The following ZNF438 variants were observed in gnomAD, a reference collection of about 807,000 sequenced individuals.
The protein encoded by ZNF438 is zinc finger protein 438.
In ZNF438, 25 loss-of-function variants were observed where a neutral mutation model predicts 38.0. The ratio of observed to expected loss-of-function variants is 0.66; its 90% CI spans 0.48 to 0.92. ZNF438 has a LOEUF of 0.92. Ranked by LOEUF, ZNF438 falls within the 40% of genes least tolerant of loss-of-function variation. ZNF438 has a pLI of 0.00. For synonymous variants in ZNF438, 372 were observed against 364.1 expected (o/e 1.02, Z -0.25); for missense variants, 1,007 against 999.6 (o/e 1.01, Z -0.10).
rs74133699 is a variant in ZNF438 at position 30,865,062 on chromosome 10, C to T, written c.37+11936G>A. ...TCTCCCTCCATTCCAACACGCTGAA[C>T]TTAGAACTAAGTTGTTTAGCAATTT... is the stretch of plus-strand genomic sequence containing the variant. On this transcript the variant is annotated intron_variant, in intron 4 of 5. Coordinates refer to ENST00000413025, the Ensembl canonical transcript of ZNF438. 9.6e-4 allele frequency among the ~76,000 whole-genome samples: 147 copies of T among 152,338 alleles called. 1 individual carries two copies. The highest frequency in any genetic ancestry group is 3.5e-3 in the African/African-American group (144 of 41,560).
intron 1 of ZNF438, 88 bp downstream of exon 2, chr10:30,984,281 T>G (rs1308952353): frequency 6.6e-6 from 1 of 152,170 alleles, no homozygotes; most frequent in Non-Finnish European, 1.5e-5. Context: ...AAGTAAGATA[T>G]GCCCCACTGT....
At chr10:30,951,547 A>C (rs1171507161) in intron 1 of ZNF438, among the ~76,000 whole-genome samples, 1 of 152,156 alleles carries the variant, frequency 6.6e-6, no homozygotes, top group East Asian at 1.9e-4. Flanking sequence ...CAACTTCAGC[A>C]AAGTCTCAGG....
At chr10:30,913,172 T>A (rs1289157047) in intron 2 of ZNF438, among the ~76,000 whole-genome samples, 2 of 152,068 alleles carry the variant, frequency 1.3e-5, no homozygotes, top group African/African-American at 4.8e-5. Context: ...TCTGGACAAG[T>A]CAACTTCATG....
At chr10:30,945,451 T>C (rs1390421827) in intron 1 of ZNF438, among the ~76,000 whole-genome samples, 5 of 151,970 alleles carry the variant, frequency 3.3e-5, no homozygotes, top group African/African-American at 1.2e-4. Flanking sequence ...GTGCACATTG[T>C]GCAGGTTAGT....
chr10:30,948,977 A>G (rs2047802953), intron 1 of ZNF438, among the ~76,000 whole-genome samples: 1 of 152,220 alleles, frequency 6.6e-6, no homozygotes, highest in Non-Finnish European at 1.5e-5. Context: ...AATGAAGGAA[A>G]AAATGTTAAC....
chr10:30,929,035 T>C (rs78355577), intron 2 of ZNF438, among the ~76,000 whole-genome samples: 9,815 of 152,284 alleles, frequency 0.064, 417 homozygotes, highest in Non-Finnish European at 0.087. Flanking sequence ...GATCTACCTC[T>C]GACAAAAAGA....
chr10:30,944,034 G>A (rs763930848), intron 1 of ZNF438, among the ~76,000 whole-genome samples: 22 of 152,194 alleles, frequency 1.4e-4, no homozygotes, highest in Non-Finnish European at 3.1e-4. Flanking sequence ...TAAGTCAGCA[G>A]TGGACTAATT....
chr10:30,980,706 A>G (rs1413763001), intron 1 of ZNF438, among the ~76,000 whole-genome samples: 1 of 152,244 alleles, frequency 6.6e-6, no homozygotes, highest in Non-Finnish European at 1.5e-5. Context: ...CATTTAAAAC[A>G]TGGGATCATA....
At chr10:30,967,571 T>C (rs957774115) in intron 1 of ZNF438, among the ~76,000 whole-genome samples, 6 of 152,194 alleles carry the variant, frequency 3.9e-5, no homozygotes, top group African/African-American at 1.4e-4. Flanking sequence ...AATGAATAGA[T>C]TCAAAAATCT....
exon 5 of ZNF438, chr10:30,849,778 G>T: frequency 6.2e-7 from 1 of 1,614,236 alleles, no homozygotes; most frequent in South Asian, 1.1e-5. Context: ...TGCCATGGGT[G>T]TTGGTCACTG....
In ZNF438 at chr10:30,882,244, A is replaced by T. The variant is rs998264645; in HGVS notation, c.-31-5179T>A. ...TTTACAATGGGCTAAAGAGGTGAACATACACTTCTCCAAAAAAGATAACTG... is the reference window on the plus strand; with the variant it reads ...TTTACAATGGGCTAAAGAGGTGAACTTACACTTCTCCAAAAAAGATAACTG... On this transcript the variant is annotated intron_variant, in intron 3 of 5. Transcript: ENST00000413025. Among the ~76,000 whole-genome samples the T allele has an allele frequency of 1.4e-4, 21 of 152,224 alleles. 1 individual carries two copies. Among genetic ancestry groups the T allele is most frequent in the Non-Finnish European group, 1.5e-5 (1 of 68,018 alleles).
At chr10:30,894,613 G>A (rs2041099593) in intron 3 of ZNF438, among the ~76,000 whole-genome samples, 1 of 151,986 alleles carries the variant, frequency 6.6e-6, no homozygotes, top group Non-Finnish European at 1.5e-5. Context: ...CATCTGTGTA[G>A]AACTAACGAT....
chr10:30,995,612 T>C (rs2053967128), intron 1 of ZNF438, among the ~76,000 whole-genome samples: 1 of 152,202 alleles, frequency 6.6e-6, no homozygotes, highest in Non-Finnish European at 1.5e-5. Context: ...AAAGACACTG[T>C]AATTGCATAT....
At chr10:30,939,438 A>G (rs962244588) in intron 2 of ZNF438, among the ~76,000 whole-genome samples, 4 of 152,238 alleles carry the variant, frequency 2.6e-5, no homozygotes, top group South Asian at 2.1e-4. Context: ...TATATATTCA[A>G]TTCCCATAAG....
intron 2 of ZNF438, among the ~76,000 whole-genome samples, chr10:30,938,813 T>A (rs2046525028): frequency 6.9e-6 from 1 of 144,112 alleles, no homozygotes; most frequent in Non-Finnish European, 1.5e-5. Flanking sequence ...TTATTTATTT[T>A]GAGATGGAGT....
At chr10:30,866,228 C>G in intron 4 of ZNF438, among the ~76,000 whole-genome samples, 1 of 152,136 alleles carries the variant, frequency 6.6e-6, no homozygotes, top group Non-Finnish European at 1.5e-5. Flanking sequence ...GACTGTTGTT[C>G]TGAGGACAAG....
chr10:30,875,726 G>A (rs61007136), intron 4 of ZNF438, among the ~76,000 whole-genome samples: 6,143 of 152,100 alleles, frequency 0.04, 384 homozygotes, highest in African/African-American at 0.14. Flanking sequence ...CTCTCTCTTC[G>A]GATCAACTCC....
At chr10:30,951,732 G>A (rs1485544519) in intron 1 of ZNF438, among the ~76,000 whole-genome samples, 1 of 150,390 alleles carries the variant, frequency 6.6e-6, no homozygotes, top group Non-Finnish European at 1.5e-5. Context: ...ATAAACCACT[G>A]CTCAATGAAA....
Position 30,895,790 on chromosome 10 carries a change from A to G in ZNF438, c.-32+13143T>C, listed in dbSNP as rs895299718. 5.9e-5 allele frequency among the ~76,000 whole-genome samples: 9 copies of G among 152,220 alleles called. No homozygotes were observed. In the East Asian group the frequency reaches 1.3e-3, roughly 23 times the overall value. The stretch of plus-strand genomic sequence containing the variant: ...TAGAAAAATGCAAATCAAAACCACA[A>G]TGAAATAACACCTCACACTCATTAG... On this transcript the variant is annotated intron_variant, in intron 3 of 5. Coordinates refer to ENST00000413025, the Ensembl canonical transcript of ZNF438.
Sources: gnomAD v4.1 joint callset for allele counts (sites outside exome capture counted in the v4.1 genomes callset) on GRCh38, gnomAD v4.1.1 for gene constraint, MANE v1.5 for transcripts, NCBI Gene and HGNC (gene_info 2026-07-23, HGNC 2026-07-21) for gene names.